MLLT3: variants seen among roughly 807,000 people sequenced by gnomAD.
The protein encoded by MLLT3 is protein AF-9.
In MLLT3, 4 loss-of-function variants were observed where a neutral mutation model predicts 53.2. That is an observed-to-expected ratio of 0.08 (90% CI 0.04 to 0.17). MLLT3 has a LOEUF of 0.17. Among genes scored for constraint, MLLT3 ranks in the 10% least tolerant of loss-of-function variants. The pLI, the probability that MLLT3 is intolerant of heterozygous loss-of-function variation, is 1.00. For missense variants in MLLT3, 569 were observed against 684.0 expected, an observed-to-expected ratio of 0.83 and a Z score of 1.87; for synonymous variants, 283 against 230.6, an observed-to-expected ratio of 1.23 and a Z score of -2.06.
intron 4 of MLLT3, among the ~76,000 whole-genome samples, chr9:20,424,320 C>T (rs1379321910): frequency 6.6e-6 from 1 of 152,146 alleles, no homozygotes; most frequent in African/African-American, 2.4e-5. Flanking sequence ...TCAGAGGGCT[C>T]TTGTGATACT....
At chr9:20,432,826 T>C (rs1340523352) in intron 4 of MLLT3, among the ~76,000 whole-genome samples, 1 of 152,130 alleles carries the variant, frequency 6.6e-6, no homozygotes, top group African/African-American at 2.4e-5. Context: ...ACAGAGCTCC[T>C]ACATATGTAT....
At chr9:20,360,360 A>G (rs920293547) in intron 8 of MLLT3, among the ~76,000 whole-genome samples, 1 of 152,244 alleles carries the variant, frequency 6.6e-6, no homozygotes, top group Non-Finnish European at 1.5e-5. Flanking sequence ...ATTTCCCACC[A>G]GTAAATTACC....
In MLLT3 at chr9:20,346,432, T is replaced by G. The variant is rs1381246540; in HGVS notation, c.*11A>C. 2.5e-6 allele frequency: 4 copies of G among 1,587,350 alleles called. No individual in the cohort carries two copies. In the East Asian group the frequency reaches 9.0e-5, roughly 36 times the overall value. ...ACACAATAGTTCTTGATGCATCCAGTTGTTATATCCTCAGGATGTTCCAGA... is the reference window on the plus strand; with the variant it reads ...ACACAATAGTTCTTGATGCATCCAGGTGTTATATCCTCAGGATGTTCCAGA... On this transcript the variant is annotated 3_prime_UTR_variant, in exon 11 of 11. Coordinates refer to ENST00000380338, the MANE Select transcript of MLLT3 (RefSeq NM_004529.4).
intron 2 of MLLT3, among the ~76,000 whole-genome samples, chr9:20,613,089 A>T (rs1252310258): frequency 1.3e-5 from 2 of 152,190 alleles, no homozygotes; most frequent in Non-Finnish European, 2.9e-5. Context: ...AGCAGAAGAA[A>T]TTAAAGAGAA....
intron 2 of MLLT3, among the ~76,000 whole-genome samples, chr9:20,534,822 C>T (rs1403108677): frequency 2.0e-5 from 3 of 151,948 alleles, no homozygotes; most frequent in African/African-American, 7.3e-5. Context: ...GGAGGCAGAG[C>T]TTGCAGTGAG....
chr9:20,448,052 G>C lies in MLLT3; in HGVS notation c.420+71C>G, dbSNP rs144910957. ...ATACTTTTTAACACATGAGGAACTA[G>C]TTTGTTTGTTTTTTTTTTTGTTGTT... On this transcript the variant is annotated intron_variant, in intron 4 of 10. Transcript: ENST00000380338. The surrounding 1 kb of genome is among the most constrained non-coding windows in gnomAD (Gnocchi z 4.0). 984 of 1,501,738 alleles carry C rather than the reference G, an allele frequency of 6.6e-4. 2 individuals are homozygous for C. The African/African-American group carries it at 9.5e-3, about 15-fold the overall frequency. The allele number at this position is 1,501,738 out of a possible 1,614,324, so 93.0% of individuals were successfully genotyped here.
intron 2 of MLLT3, among the ~76,000 whole-genome samples, chr9:20,514,306 G>A (rs1817843750): frequency 6.6e-6 from 1 of 152,054 alleles, no homozygotes; most frequent in African/African-American, 2.4e-5. Flanking sequence ...GGAATCACAG[G>A]GGCAAAGTCA....
chr9:20,480,323 G>T (rs1489737181), intron 2 of MLLT3, among the ~76,000 whole-genome samples: 1 of 152,156 alleles, frequency 6.6e-6, no homozygotes, highest in Admixed American at 6.6e-5. Context: ...ATAAATGCAT[G>T]AAATAGCTCT....
chr9:20,610,618 A>G (rs933429919), intron 2 of MLLT3, among the ~76,000 whole-genome samples: 2 of 152,156 alleles, frequency 1.3e-5, no homozygotes, highest in African/African-American at 4.8e-5. Context: ...GGGTCAAGAC[A>G]TTACATTGAT....
At chr9:20,567,499 T>G (rs1260102842) in intron 2 of MLLT3, among the ~76,000 whole-genome samples, 2 of 152,142 alleles carry the variant, frequency 1.3e-5, no homozygotes, top group Non-Finnish European at 2.9e-5. Context: ...TATGTCAAAC[T>G]CTGTTTTAGT....
At chr9:20,575,946 T>A (rs1341246369) in intron 2 of MLLT3, among the ~76,000 whole-genome samples, 1 of 152,228 alleles carries the variant, frequency 6.6e-6, no homozygotes, top group Admixed American at 6.5e-5. Context: ...TCTCTAGCTA[T>A]GAAAGTCCTA....
intron 2 of MLLT3, among the ~76,000 whole-genome samples, chr9:20,569,330 CA>C (rs1265770758): frequency 2.0e-5 from 3 of 152,096 alleles, no homozygotes; most frequent in Admixed American, 1.3e-4. Context: ...TGCTAGTAGG[CA>C]AAAACTGTTT....
rs1823979529 is a variant in MLLT3, at chr9:20,456,711, TTAAAATAAAC to T, written c.259_268del (p.Val87LysfsTer25). 6.2e-7 allele frequency: 1 copy of T among 1,604,682 alleles called. No homozygotes were observed. The highest frequency in any genetic ancestry group is 1.3e-5 in the African/African-American group (1 of 74,510). ...TGGGTAAAGATTACATACCTTGTTTTTAAAATAAACTTCAATTGGCAAAATGAAACCAGCA... is the reference window on the plus strand; with the variant it reads ...TGGGTAAAGATTACATACCTTGTTTTTTCAATTGGCAAAATGAAACCAGCA... On this transcript the variant is annotated frameshift_variant, in exon 3 of 11. Coordinates refer to ENST00000380338, the MANE Select transcript of MLLT3 (RefSeq NM_004529.4). LOFTEE classifies it high-confidence loss of function.
At position 20,404,051 on chromosome 9, in the gene MLLT3, A is replaced by G. The variant is rs188901855; in HGVS notation, c.1125+9670T>C. On this transcript the variant is annotated intron_variant, in intron 5 of 10. Transcript: ENST00000380338. ...GCCCAGACTGGTCTTGAACTCCTAG[A>G]CTCAAGTTATCCACTCACCTTGGCC... 2.5e-3 allele frequency among the ~76,000 whole-genome samples: 374 copies of G among 152,020 alleles called. 1 individual carries two copies. The highest frequency in any genetic ancestry group is 0.01 in the Middle Eastern group (3 of 292).
At chr9:20,528,548 A>G (rs1537073) in intron 2 of MLLT3, among the ~76,000 whole-genome samples, 76,829 of 152,124 alleles carry the variant, frequency 0.51, 19,802 homozygotes, top group East Asian at 0.69. Flanking sequence ...TGCGCTCCCC[A>G]CAAAGGCTCT....
intron 2 of MLLT3, among the ~76,000 whole-genome samples, chr9:20,511,918 A>G (rs1163883190): frequency 6.6e-6 from 1 of 152,172 alleles, no homozygotes; most frequent in African/African-American, 2.4e-5. Flanking sequence ...TCTGTGGAGC[A>G]GAGAGCAGCC....
chr9:20,561,390 C>T (rs1700573891), intron 2 of MLLT3, among the ~76,000 whole-genome samples: 1 of 152,094 alleles, frequency 6.6e-6, no homozygotes. Flanking sequence ...AAAATAAATT[C>T]GTGTAATTAA....
chr9:20,606,453 C>A (rs1168642638), intron 2 of MLLT3, among the ~76,000 whole-genome samples: 1 of 152,046 alleles, frequency 6.6e-6, no homozygotes, highest in Non-Finnish European at 1.5e-5. Flanking sequence ...GCTACATAAA[C>A]AAAGTAATAA....
In MLLT3 at chr9:20,606,848, T is replaced by C. The variant is rs201756629; in HGVS notation, c.193+13806A>G. Among the ~76,000 whole-genome samples the C allele has an allele frequency of 7.9e-5, 12 of 152,276 alleles. No individual in the cohort carries two copies. In the East Asian group the frequency reaches 2.1e-3, roughly 27 times the overall value. On this transcript the variant is annotated intron_variant, in intron 2 of 10. Transcript: ENST00000380338. ...GCCTCCAGCCCACAATGTCAAGTAG[T>C]TCTCTTGCTATTGAATTTCAAGATT...
Sources: allele counts gnomAD v4.1 joint callset (sites outside exome capture counted in the v4.1 genomes callset), GRCh38; gene constraint gnomAD v4.1.1; non-coding constraint Gnocchi (gnomAD v3.1); transcripts MANE v1.5; gene names NCBI Gene and HGNC (gene_info 2026-07-23, HGNC 2026-07-21).